Variants in CTNNA3 observed in about 807,000 individuals in gnomAD.
CTNNA3 encodes the protein catenin alpha-3.
In CTNNA3, 76 loss-of-function variants were observed where a neutral mutation model predicts 95.7. The observed-to-expected ratio is 0.79, with a 90% CI of 0.66 to 0.96. The LOEUF (loss-of-function observed/expected upper bound fraction) is 0.96. Ranked by LOEUF, CTNNA3 falls within the 40% of genes least tolerant of loss-of-function variation. CTNNA3 has a pLI of 0.00. For synonymous variants in CTNNA3, 431 were observed against 374.4 expected (o/e 1.15, Z -1.74); for missense variants, 1,191 against 1,089.8 (o/e 1.09, Z -1.31).
chr10:67,004,124 T>G (rs933683290), intron 7 of CTNNA3, among the ~76,000 whole-genome samples: 6 of 151,970 alleles, frequency 3.9e-5, no homozygotes, highest in African/African-American at 1.2e-4. Flanking sequence ...GATCTGGCTG[T>G]GGAGCCATGG....
chr10:67,586,706 TA>T (rs888091218), intron 3 of CTNNA3, among the ~76,000 whole-genome samples: 4 of 152,166 alleles, frequency 2.6e-5, no homozygotes, highest in African/African-American at 7.2e-5. Context: ...AAGTTTCTTA[TA>T]AGCAGCATAT....
At position 67,086,350 on chromosome 10, in the gene CTNNA3, A is replaced by G. The variant is rs150188056; in HGVS notation, c.1047+93967T>C. ...TATCACTTCATTTAGTTGGGACAGA[A>G]TATCACTTCATTTAGTTGGGAGATA... is the stretch of plus-strand genomic sequence containing the variant. On this transcript the variant is annotated intron_variant, in intron 7 of 17. Coordinates refer to ENST00000433211, the MANE Select transcript of CTNNA3 (RefSeq NM_013266.4). Among the ~76,000 whole-genome samples, 1,071 of 152,144 alleles carry G rather than the reference A, an allele frequency of 7.0e-3. 16 individuals carry two copies. Among genetic ancestry groups the G allele is most frequent in the African/African-American group, 0.025 (1,026 of 41,556 alleles).
intron 11 of CTNNA3, among the ~76,000 whole-genome samples, chr10:66,517,943 T>C (rs1338928519): frequency 6.6e-6 from 1 of 152,176 alleles, no homozygotes; most frequent in Non-Finnish European, 1.5e-5. Flanking sequence ...CAGTCTACTT[T>C]TTATTATCCT....
intron 12 of CTNNA3, among the ~76,000 whole-genome samples, chr10:66,330,119 A>G (rs944948555): frequency 6.6e-6 from 1 of 151,822 alleles, no homozygotes; most frequent in Non-Finnish European, 1.5e-5. Context: ...GCACAAGGTA[A>G]AAGTTTGTTA....
intron 7 of CTNNA3, among the ~76,000 whole-genome samples, chr10:66,961,287 G>T (rs917960067): frequency 2.0e-5 from 3 of 151,882 alleles, no homozygotes; most frequent in African/African-American, 7.3e-5. Context: ...CCAAAATTTT[G>T]CTCCACAATT....
intron 3 of CTNNA3, among the ~76,000 whole-genome samples, chr10:67,559,771 C>A (rs942399269): frequency 2.0e-5 from 3 of 151,982 alleles, no homozygotes; most frequent in African/African-American, 7.3e-5. Flanking sequence ...ACTAGAATAA[C>A]CAATACAGAG....
At chr10:66,335,557 C>A (rs1291298251) in intron 12 of CTNNA3, among the ~76,000 whole-genome samples, 2 of 152,080 alleles carry the variant, frequency 1.3e-5, no homozygotes, top group African/African-American at 2.4e-5. Flanking sequence ...TATTGGTGAA[C>A]AGCAAATGTT....
At chr10:66,381,202 T>A (rs569964824) in intron 11 of CTNNA3, among the ~76,000 whole-genome samples, 17 of 152,208 alleles carry the variant, frequency 1.1e-4, no homozygotes, top group Non-Finnish European at 2.4e-4. Flanking sequence ...GCCTCTGTCC[T>A]GTGGGCATAT....
chr10:66,745,324 G>A (rs1838817205), intron 9 of CTNNA3, among the ~76,000 whole-genome samples: 1 of 152,124 alleles, frequency 6.6e-6, no homozygotes. Context: ...GATTGGCCAA[G>A]GTCAAACAGT....
intron 6 of CTNNA3, among the ~76,000 whole-genome samples, chr10:67,212,322 C>G (rs1177031254): frequency 6.6e-6 from 1 of 151,940 alleles, no homozygotes; most frequent in Non-Finnish European, 1.5e-5. Context: ...ATAAATCATT[C>G]TCTTCCTTCT....
chr10:67,042,929 G>T (rs965929990), intron 7 of CTNNA3, among the ~76,000 whole-genome samples: 3 of 152,044 alleles, frequency 2.0e-5, no homozygotes, highest in African/African-American at 7.2e-5. Context: ...ATATTCGAAC[G>T]CTATAAAAGA....
In CTNNA3 at chr10:67,052,345, TCTC is replaced by T. The variant is rs1564857025; in HGVS notation, c.1047+127969_1047+127971del. Reference sequence around the variant, plus strand: ...CTCTCTCTCTCTCTCTCTCTCTCTCTCTCTCTCTCATTAAAAGCACTAAGCGGC... The same window carrying T: ...CTCTCTCTCTCTCTCTCTCTCTCTCTTCTCTCATTAAAAGCACTAAGCGGC... On this transcript the variant is annotated intron_variant, in intron 7 of 17. Transcript: ENST00000433211. 3.3e-3 allele frequency among the ~76,000 whole-genome samples: 449 copies of T among 135,314 alleles called. 3 individuals carry two copies. The highest frequency in any genetic ancestry group is 6.0e-3 in the African/African-American group (240 of 40,068). The allele number at this position is 135,314 out of a possible 152,430, so 88.8% of individuals were successfully genotyped here.
chr10:66,751,631 T>C (rs984428689), intron 9 of CTNNA3, among the ~76,000 whole-genome samples: 1 of 152,210 alleles, frequency 6.6e-6, no homozygotes, highest in South Asian at 2.1e-4. Context: ...TTGAAATCAG[T>C]ATTTGTTTCA....
intron 5 of CTNNA3, among the ~76,000 whole-genome samples, chr10:67,482,679 TC>T (rs1303846353): frequency 6.6e-6 from 1 of 152,208 alleles, no homozygotes; most frequent in Non-Finnish European, 1.5e-5. Flanking sequence ...ACATATACAA[TC>T]ATGTCATCTG....
At chr10:67,684,795 A>G (rs1840698652) in intron 1 of CTNNA3, among the ~76,000 whole-genome samples, 1 of 152,228 alleles carries the variant, frequency 6.6e-6, no homozygotes, top group Admixed American at 6.5e-5. Context: ...GGTTAAAAAT[A>G]CAGGGCCCGA....
intron 7 of CTNNA3, among the ~76,000 whole-genome samples, chr10:66,899,701 C>T (rs1845651507): frequency 6.6e-6 from 1 of 152,110 alleles, no homozygotes; most frequent in Non-Finnish European, 1.5e-5. Context: ...CGATTCCCTC[C>T]CATGTCTGGC....
In CTNNA3 at chr10:66,334,952, C is replaced by G. The variant is rs527652857; in HGVS notation, c.1732+44200G>C. Among the ~76,000 whole-genome samples the G allele has an allele frequency of 2.6e-5, 4 of 151,998 alleles. No individual in the cohort carries two copies. In the South Asian group the frequency reaches 8.3e-4, roughly 32 times the overall value. On this transcript the variant is annotated intron_variant, in intron 12 of 17. Coordinates refer to ENST00000433211, the MANE Select transcript of CTNNA3 (RefSeq NM_013266.4). ...TTCTTTTTATTCTTTTTTCTGTAAA[C>G]TTCTCTTCTCGCTTCATTTTATTCA...
chr10:66,543,714 C>T (rs1841938849), intron 10 of CTNNA3, among the ~76,000 whole-genome samples: 1 of 151,192 alleles, frequency 6.6e-6, no homozygotes, highest in Admixed American at 6.6e-5. Flanking sequence ...CCTATTAGAA[C>T]CTCTGTTCAT....
chr10:66,188,433 G>GT (rs1278088121), intron 13 of CTNNA3, among the ~76,000 whole-genome samples: 120 of 148,058 alleles, frequency 8.1e-4, no homozygotes, highest in African/African-American at 2.2e-3. Context: ...AGTCTTTCTT[G>GT]TTTTTTTTTT....
Sources: gnomAD v4.1 joint callset for allele counts (sites outside exome capture counted in the v4.1 genomes callset) on GRCh38, gnomAD v4.1.1 for gene constraint, MANE v1.5 for transcripts, NCBI Gene and HGNC (gene_info 2026-07-23, HGNC 2026-07-21) for gene names.